ATP6V0D2: variants seen among roughly 807,000 people sequenced by gnomAD.
ATP6V0D2 encodes ATPase H+ transporting V0 subunit d2.
Under a neutral mutation model 40.0 loss-of-function variants are expected in ATP6V0D2, and 40 were observed. The observed-to-expected ratio is 1.00, with a 90% CI of 0.78 to 1.30. ATP6V0D2 has a LOEUF of 1.30. Among genes scored for constraint, ATP6V0D2 ranks in the 50% most tolerant of loss-of-function variants. The probability of loss-of-function intolerance (pLI) is 0.00; values close to 1 mark genes in which losing one functional copy is unlikely to be tolerated. For synonymous variants in ATP6V0D2, 179 were observed against 156.3 expected, an observed-to-expected ratio of 1.15 and a Z score of -1.08; for missense variants, 470 against 423.1, an observed-to-expected ratio of 1.11 and a Z score of -0.97.
chr8:86,130,654 C>A (rs952748894), intron 2 of ATP6V0D2, among the ~76,000 whole-genome samples: 3 of 152,024 alleles, frequency 2.0e-5, no homozygotes, highest in African/African-American at 7.3e-5. Flanking sequence ...AGGAAGGTGT[C>A]CTGGAGGGGT....
At chr8:86,136,357 T>C (rs573637780) in intron 2 of ATP6V0D2, among the ~76,000 whole-genome samples, 1 of 152,188 alleles carries the variant, frequency 6.6e-6, no homozygotes, top group African/African-American at 2.4e-5. Flanking sequence ...GTTGCTCTAA[T>C]AGTCCTCTGC....
intron 2 of ATP6V0D2, among the ~76,000 whole-genome samples, chr8:86,125,401 C>T (rs1684960797): frequency 6.6e-6 from 1 of 152,124 alleles, no homozygotes; most frequent in South Asian, 2.1e-4. Flanking sequence ...GAAATCCACA[C>T]TTATCCATTG....
chr8:86,121,629 GAAGGAA>G (rs1818672438), intron 2 of ATP6V0D2, among the ~76,000 whole-genome samples: 1 of 151,556 alleles, frequency 6.6e-6, no homozygotes, highest in Non-Finnish European at 1.5e-5. Flanking sequence ...GAAGGAGAAA[GAAGGAA>G]AAGGAGAAGG....
chr8:86,141,501 T>C lies in ATP6V0D2; in HGVS notation c.533T>C (p.Ile178Thr). Reference sequence around the variant, plus strand: ...GAAAATGCTCTAGATGAACTGAATATTGAATTGCTACGCAATAAACTATAC... The same window carrying C: ...GAAAATGCTCTAGATGAACTGAATACTGAATTGCTACGCAATAAACTATAC... ...MSENALDELN[I>T]ELLRNKLYKS... is the part of the protein sequence containing the mutation. The change falls in exon 4 of 8, where the codon ATT becomes ACT. Residue 178 changes from isoleucine to threonine, a missense_variant. By Grantham distance (89) the Ile-to-Thr change is moderately conservative. Transcript: ENST00000285393. The C allele has an allele frequency of 2.5e-6, 4 of 1,609,034 alleles. No individual in the cohort carries two copies. The South Asian group carries it at 3.3e-5, about 13-fold the overall frequency.
chr8:86,151,375 G>A, intron 6 of ATP6V0D2, 91 bp from the exon 7 acceptor site: 1 of 913,342 alleles, frequency 1.1e-6, no homozygotes, highest in Non-Finnish European at 1.6e-6. Context: ...TTTTAAATAG[G>A]TACACAATTT....
chr8:86,151,676 T>A, intron 7 of ATP6V0D2, 136 bp downstream of exon 7: 2 of 644,722 alleles, frequency 3.1e-6, no homozygotes, highest in Non-Finnish European at 5.3e-6. Flanking sequence ...TAGTCAGTGA[T>A]GTATTATTGC....
At chr8:86,122,170 C>T (rs991358347) in intron 2 of ATP6V0D2, among the ~76,000 whole-genome samples, 11 of 152,116 alleles carry the variant, frequency 7.2e-5, no homozygotes, top group African/African-American at 2.7e-4. Flanking sequence ...TGAAACCAGG[C>T]ATCTTTTTAA....
chr8:86,105,869 C>T lies in ATP6V0D2; in HGVS notation c.130+6761C>T, dbSNP rs1327045362. On this transcript the variant is annotated intron_variant, in intron 1 of 7. Transcript: ENST00000285393. ...GACCTCGTGATCTGCCCATCTCGGC[C>T]TCCCAAAGTGCTGGGATTATAGACG... Among the ~76,000 whole-genome samples, 5 of 152,164 alleles carry T rather than the reference C, an allele frequency of 3.3e-5. No individual in the cohort carries two copies. In the East Asian group the frequency reaches 5.8e-4, roughly 18 times the overall value.
intron 5 of ATP6V0D2, among the ~76,000 whole-genome samples, chr8:86,147,272 T>A (rs759405518): frequency 6.6e-6 from 1 of 152,160 alleles, no homozygotes; most frequent in South Asian, 2.1e-4. Context: ...CTGGAGAGAA[T>A]GTGTGACCCC....
intron 2 of ATP6V0D2, among the ~76,000 whole-genome samples, chr8:86,129,127 G>A (rs1157813984): frequency 6.6e-6 from 1 of 152,184 alleles, no homozygotes; most frequent in South Asian, 2.1e-4. Flanking sequence ...GTGTTACTAA[G>A]CCTGATGCCA....
chr8:86,151,780 T>A (rs1245193829), intron 7 of ATP6V0D2, among the ~76,000 whole-genome samples: 1 of 148,040 alleles, frequency 6.8e-6, no homozygotes, highest in Non-Finnish European at 1.5e-5. Context: ...TTTTATACCC[T>A]CCTAAAAGAG....
rs1470058728 is a variant in ATP6V0D2 at position 86,099,121 on chromosome 8, C to G, written c.130+13C>G. 2 of 1,568,170 alleles carry G rather than the reference C, an allele frequency of 1.3e-6. No homozygotes were observed. Among genetic ancestry groups the G allele is most frequent in the Non-Finnish European group, 1.7e-6 (2 of 1,164,370 alleles). ...GAGACCCTAGAAGGTAAGTGTAGCTCTTCTCACCCTTTAAAAAGAAAAAAA... is the reference window on the plus strand; with the variant it reads ...GAGACCCTAGAAGGTAAGTGTAGCTGTTCTCACCCTTTAAAAAGAAAAAAA... On this transcript the variant is annotated intron_variant, in intron 1 of 7. Transcript: ENST00000285393.
At chr8:86,114,730 C>T (rs1443619631) in intron 2 of ATP6V0D2, among the ~76,000 whole-genome samples, 2 of 152,054 alleles carry the variant, frequency 1.3e-5, no homozygotes, top group African/African-American at 4.8e-5. Context: ...ACTTTTATGA[C>T]ACCAATTAAT....
rs1416365439 is a variant in ATP6V0D2 at position 86,141,442 on chromosome 8, G to C, written c.482-8G>C. 1.2e-6 allele frequency: 2 copies of C among 1,605,986 alleles called. No individual in the cohort carries two copies. The highest frequency in any genetic ancestry group is 1.7e-6 in the Non-Finnish European group (2 of 1,176,254). ...TTCATTTTTTGGTATGGCAATTTCT[G>C]CTTTCAGCTCCATTCTTCCAAGACT... On this transcript the variant is annotated splice_polypyrimidine_tract_variant and splice_region_variant and intron_variant, in intron 3 of 7. Coordinates refer to ENST00000285393, the MANE Select transcript of ATP6V0D2 (RefSeq NM_152565.1).
chr8:86,106,310 A>G (rs1409582025), intron 1 of ATP6V0D2, among the ~76,000 whole-genome samples: 3 of 151,576 alleles, frequency 2.0e-5, no homozygotes, highest in Non-Finnish European at 4.4e-5. Context: ...CTTTTTTGTC[A>G]TTTGCAAAGA....
chr8:86,145,370 G>GT (rs1819052724), intron 5 of ATP6V0D2, among the ~76,000 whole-genome samples: 1 of 70,656 alleles, frequency 1.4e-5, no homozygotes, highest in Non-Finnish European at 2.5e-5. Flanking sequence ...AGGAAGGAAG[G>GT]AAGGAAAGAA....
chr8:86,141,068 G>A (rs752138537), intron 3 of ATP6V0D2, among the ~76,000 whole-genome samples: 40 of 152,092 alleles, frequency 2.6e-4, no homozygotes, highest in Non-Finnish European at 7.4e-5. Context: ...AGAACCTAAT[G>A]CTGCCGTTGA....
intron 1 of ATP6V0D2, among the ~76,000 whole-genome samples, chr8:86,102,927 A>G (rs1471582789): frequency 1.3e-5 from 2 of 152,242 alleles, no homozygotes; most frequent in Non-Finnish European, 2.9e-5. Context: ...CATATTTTAA[A>G]AACTAACACT....
chr8:86,101,755 T>C (rs543894219), intron 1 of ATP6V0D2, among the ~76,000 whole-genome samples: 6 of 152,228 alleles, frequency 3.9e-5, no homozygotes, highest in African/African-American at 1.2e-4. Flanking sequence ...TAAGCAGGCA[T>C]ATGCAGAATT....
Sources: allele counts gnomAD v4.1 joint callset (sites outside exome capture counted in the v4.1 genomes callset), GRCh38; gene constraint gnomAD v4.1.1; transcripts MANE v1.5; gene names NCBI Gene and HGNC (gene_info 2026-07-23, HGNC 2026-07-21).